EXT1: variants seen among roughly 807,000 people sequenced by gnomAD.
The protein encoded by EXT1 is exostosin glycosyltransferase 1.
EXT1 carries 20 observed loss-of-function variants against 82.5 expected under a neutral mutation model. The ratio of observed to expected loss-of-function variants is 0.24; its 90% CI spans 0.17 to 0.35. EXT1 has a LOEUF of 0.35. Ranked by LOEUF, EXT1 falls within the 10% of genes least tolerant of loss-of-function variation. The pLI, the probability that EXT1 is intolerant of heterozygous loss-of-function variation, is 1.00. For missense variants in EXT1, 757 were observed against 936.5 expected, an observed-to-expected ratio of 0.81 and a Z score of 2.50; for synonymous variants, 348 against 350.8, an observed-to-expected ratio of 0.99 and a Z score of 0.09.
intron 1 of EXT1, among the ~76,000 whole-genome samples, chr8:118,066,484 G>A (rs991608400): frequency 2.0e-5 from 3 of 151,750 alleles, no homozygotes; most frequent in Admixed American, 6.6e-5. Flanking sequence ...TCAGCCTCCT[G>A]AGTAACTGGA....
Position 117,799,301 on chromosome 8 carries a change from C to T in EXT1, c.*411G>A, listed in dbSNP as rs1194966045. 1.3e-5 allele frequency: 3 copies of T among 229,390 alleles called. No homozygotes were observed. The highest frequency in any genetic ancestry group is 1.0e-4 in the Admixed American group (2 of 19,362). The allele number at this position is 229,390 out of a possible 1,614,324, so 14.2% of individuals were successfully genotyped here. ...TGAAACTGCAGGGCACCCTACATGGCCATGACAATGATGTCTGTGGGAAAA... is the reference window on the plus strand; with the variant it reads ...TGAAACTGCAGGGCACCCTACATGGTCATGACAATGATGTCTGTGGGAAAA... On this transcript the variant is annotated 3_prime_UTR_variant, in exon 11 of 11. Transcript: ENST00000378204.
intron 1 of EXT1, among the ~76,000 whole-genome samples, chr8:118,062,313 G>C (rs1409292724): frequency 6.6e-6 from 1 of 152,200 alleles, no homozygotes; most frequent in Non-Finnish European, 1.5e-5. Flanking sequence ...GGTTAGCCTA[G>C]AGGTCCAAAG....
At chr8:117,873,077 T>C (rs1812902057) in intron 1 of EXT1, among the ~76,000 whole-genome samples, 1 of 152,122 alleles carries the variant, frequency 6.6e-6, no homozygotes, top group Admixed American at 6.5e-5. Flanking sequence ...AGGGTGGAAA[T>C]CTTTTTTATA....
intron 1 of EXT1, among the ~76,000 whole-genome samples, chr8:117,840,731 A>T (rs151217659): frequency 1.3e-5 from 2 of 152,376 alleles, no homozygotes; most frequent in African/African-American, 4.8e-5. Flanking sequence ...ATAAATAATC[A>T]AACTTTAAAA....
At chr8:117,841,048 C>T (rs1238979718) in intron 1 of EXT1, among the ~76,000 whole-genome samples, 1 of 152,152 alleles carries the variant, frequency 6.6e-6, no homozygotes, top group African/African-American at 2.4e-5. Flanking sequence ...CCATATGACC[C>T]AGTAATTGCA....
chr8:117,895,111 A>G lies in EXT1; in HGVS notation c.963-57910T>C, dbSNP rs796729934. 1.9e-4 allele frequency among the ~76,000 whole-genome samples: 29 copies of G among 152,296 alleles called. 1 individual carries two copies. The highest frequency in any genetic ancestry group is 3.4e-3 in the Middle Eastern group (1 of 294). Reference sequence around the variant, plus strand: ...CGATCATGATGTCATCTTAGATGACATGATCAAAATGGTCGTGAACCAGGG... The same window carrying G: ...CGATCATGATGTCATCTTAGATGACGTGATCAAAATGGTCGTGAACCAGGG... On this transcript the variant is annotated intron_variant, in intron 1 of 10. Coordinates refer to ENST00000378204, the MANE Select transcript of EXT1 (RefSeq NM_000127.3).
chr8:118,010,869 C>T (rs1217782742), intron 1 of EXT1, among the ~76,000 whole-genome samples: 1 of 152,214 alleles, frequency 6.6e-6, no homozygotes, highest in African/African-American at 2.4e-5. Flanking sequence ...GTGGCAGACG[C>T]TCTGGGTGCC....
intron 1 of EXT1, among the ~76,000 whole-genome samples, chr8:118,051,948 C>A (rs937189912): frequency 2.0e-5 from 3 of 152,314 alleles, no homozygotes; most frequent in African/African-American, 7.2e-5. Context: ...CCATACTGCA[C>A]ACTTCCTAAA....
intron 1 of EXT1, among the ~76,000 whole-genome samples, chr8:117,970,193 G>A (rs1378168789): frequency 6.6e-6 from 1 of 152,084 alleles, no homozygotes; most frequent in Non-Finnish European, 1.5e-5. Context: ...AGGTTTTATG[G>A]CATGACTCTC....
chr8:118,079,228 A>T (rs1198669924), intron 1 of EXT1, among the ~76,000 whole-genome samples: 1 of 152,204 alleles, frequency 6.6e-6, no homozygotes, highest in Non-Finnish European at 1.5e-5. Flanking sequence ...AGGAAATTTG[A>T]TCTCCTTATC....
chr8:118,035,643 C>T (rs1816405821), intron 1 of EXT1, among the ~76,000 whole-genome samples: 1 of 152,054 alleles, frequency 6.6e-6, no homozygotes, highest in African/African-American at 2.4e-5. Context: ...AACTGCAAAA[C>T]TCATAATAGT....
At chr8:117,873,922 T>C (rs1482553922) in intron 1 of EXT1, among the ~76,000 whole-genome samples, 10 of 152,264 alleles carry the variant, frequency 6.6e-5, no homozygotes, top group Admixed American at 4.6e-4. Context: ...TAACATACTA[T>C]GGCTATCTTC....
intron 10 of EXT1, among the ~76,000 whole-genome samples, chr8:117,801,203 A>G (rs1280164622): frequency 6.6e-6 from 1 of 152,242 alleles, no homozygotes; most frequent in East Asian, 1.9e-4. Context: ...ACAAAACACT[A>G]TTTGTAAAGT....
chr8:118,067,668 A>G (rs1280708808), intron 1 of EXT1, among the ~76,000 whole-genome samples: 2 of 152,246 alleles, frequency 1.3e-5, no homozygotes, highest in Admixed American at 6.5e-5. Flanking sequence ...CAATTATTAA[A>G]TTAACGATCC....
At chr8:117,994,995 T>C (rs1284833250) in intron 1 of EXT1, among the ~76,000 whole-genome samples, 3 of 152,148 alleles carry the variant, frequency 2.0e-5, no homozygotes, top group African/African-American at 4.8e-5. Context: ...ATATAGAAGA[T>C]AGGGACAAAT....
intron 8 of EXT1, among the ~76,000 whole-genome samples, chr8:117,809,218 A>AACATATATATATATATATAT (rs71569748): frequency 4.1e-4 from 44 of 107,936 alleles, no homozygotes; most frequent in African/African-American, 1.3e-3. Context: ...TGTGTGTATA[A>AACATATATATATATATATAT]ATATATATAT....
chr8:117,805,898 G>C (rs1253691698), intron 9 of EXT1, among the ~76,000 whole-genome samples: 1 of 152,116 alleles, frequency 6.6e-6, no homozygotes, highest in Non-Finnish European at 1.5e-5. Context: ...CCACCCCTGA[G>C]CTTTTTCCAT....
chr8:117,943,874 G>A (rs189869208), intron 1 of EXT1, among the ~76,000 whole-genome samples: 21 of 152,254 alleles, frequency 1.4e-4, no homozygotes, highest in Middle Eastern at 3.4e-3. Flanking sequence ...TGTTTTGGTT[G>A]CAGGGTCACC....
At chr8:117,829,579 T>C (rs1007579140) in intron 4 of EXT1, among the ~76,000 whole-genome samples, 12 of 120,218 alleles carry the variant, frequency 1.0e-4, no homozygotes, top group Admixed American at 3.5e-4. Context: ...CTTTTTTTTT[T>C]TTTTTTTTTT....
Sources: gnomAD v4.1 joint callset for allele counts (sites outside exome capture counted in the v4.1 genomes callset) on GRCh38, gnomAD v4.1.1 for gene constraint, MANE v1.5 for transcripts, NCBI Gene and HGNC (gene_info 2026-07-23, HGNC 2026-07-21) for gene names.